The following ATG9B variants were observed in gnomAD, a reference collection of about 807,000 sequenced individuals.
The protein encoded by ATG9B is autophagy related 9B.
Under a neutral mutation model 92.9 loss-of-function variants are expected in ATG9B, and 92 were observed. The observed-to-expected ratio is 0.99, with a 90% CI of 0.84 to 1.18. The LOEUF is 1.18. ATG9B is among the 50% of genes most tolerant of loss of function. The pLI, the probability that ATG9B is intolerant of heterozygous loss-of-function variation, is 0.00. For synonymous variants in ATG9B, 599 were observed against 551.4 expected, an observed-to-expected ratio of 1.09 and a Z score of -1.21; for missense variants, 1,344 against 1,235.0, an observed-to-expected ratio of 1.09 and a Z score of -1.32.
At position 151,023,173 on chromosome 7, in the gene ATG9B, G is replaced by T. The variant is rs779742538; in HGVS notation, c.693C>A (p.Phe231Leu). The T allele has an allele frequency of 3.1e-6, 5 of 1,614,090 alleles. No homozygotes were observed. The South Asian group carries it at 5.5e-5, about 18-fold the overall frequency. Residue 231 changes from phenylalanine (F) to leucine (L), a missense_variant, in exon 4 of 14, where the codon TTC becomes TTA. Physicochemically the swap from Phe to Leu is conservative, Grantham distance 22. Coordinates refer to ENST00000639579, the MANE Select transcript of ATG9B (RefSeq NM_001317056.2). ...QFIFIVTFTT[F>L]LLRCVDYNVL... ...CATTGTAATCCACGCATCGAAGGAG[G>T]AAGGTTGTGAAGGTGACAATGAAAA...
At chr7:151,021,868 T>C (rs1049237828) in intron 4 of ATG9B, among the ~76,000 whole-genome samples, 5 of 152,056 alleles carry the variant, frequency 3.3e-5, no homozygotes, top group African/African-American at 4.8e-5. Flanking sequence ...CCAGAATGGT[T>C]TTGATCTCCT....
In ATG9B at chr7:151,019,287, G is replaced by T. The variant is rs745815767; in HGVS notation, c.1051C>A (p.Pro351Thr). The T allele has an allele frequency of 1.3e-6, 2 of 1,586,802 alleles. No homozygotes were observed. Among genetic ancestry groups the T allele is most frequent in the African/African-American group, 2.7e-5 (2 of 74,528 alleles). The change falls in exon 6 of 14, where the codon CCC becomes ACC. Residue 351 changes from proline (P) to threonine (T), a missense_variant. Coordinates refer to ENST00000639579, the MANE Select transcript of ATG9B (RefSeq NM_001317056.2). Reference sequence around the variant, plus strand: ...TGGTGGATGTCCAGCTCCGTCAGGGGCCGCGGCTGCACGCACAGGCCCCCG... The same window carrying T: ...TGGTGGATGTCCAGCTCCGTCAGGGTCCGCGGCTGCACGCACAGGCCCCCG... Reference protein sequence around the residue: ...RSGGLCVQPRPLTELDIHHRI... With the variant: ...RSGGLCVQPRTLTELDIHHRI...
chr7:151,013,090 C>T (rs971482881), downstream of ATG9B: 3 of 902,870 alleles, frequency 3.3e-6, no homozygotes, highest in Non-Finnish European at 5.1e-6. Context: ...TCTACACTCT[C>T]TTAGAGATGA....
chr7:151,012,562 A>G, downstream of ATG9B: 10 of 1,456,546 alleles, frequency 6.9e-6, no homozygotes, highest in Non-Finnish European at 9.3e-6. Context: ...TAGGAAAGAG[A>G]GGGCAGGAAA....
chr7:151,024,279 A>G lies in ATG9B; in HGVS notation c.145T>C (p.Ser49Pro). 7.0e-7 allele frequency: 1 copy of G among 1,433,960 alleles called. No homozygotes were observed. The highest frequency in any genetic ancestry group is 1.6e-5 in the South Asian group (1 of 61,918). 88.8% of individuals were successfully genotyped at this position (1,433,960 alleles called of 1,614,324 possible). ...GGGGCAGGGGACAGAGAGAAGATGG[A>G]GATCCTCCCTCCCCCAGGTCCCCGG... ...SCRGPGGGRISIFSLSPAPHT... is the reference protein window; with the variant it reads ...SCRGPGGGRIPIFSLSPAPHT... Residue 49 changes from serine to proline, a missense_variant, in exon 1 of 14, where the codon TCC becomes CCC. Transcript: ENST00000639579.
At chr7:151,012,390 C>G (rs774879688), downstream of ATG9B, 1 of 1,595,486 alleles carries the variant, frequency 6.3e-7, no homozygotes, top group Non-Finnish European at 8.5e-7. Flanking sequence ...CCAGCTTGCC[C>G]TGCATCCTGG....
intron 9 of ATG9B, 97 bp downstream of exon 9, chr7:151,016,939 T>G: frequency 6.7e-7 from 1 of 1,496,370 alleles, no homozygotes. Context: ...CGGGGGCTGG[T>G]GAGGCAGGTT....
In ATG9B at chr7:151,019,117, A is replaced by G. The variant is rs747810125; in HGVS notation, c.1221T>C (p.Gly407=). 1 of 1,535,592 alleles carries G rather than the reference A, an allele frequency of 6.5e-7. No homozygotes were observed. Among genetic ancestry groups the G allele is most frequent in the South Asian group, 1.2e-5 (1 of 84,050 alleles). The change falls in exon 6 of 14, where the codon GGT becomes GGC. Residue 407 remains glycine (G), a synonymous_variant. Coordinates refer to ENST00000639579, the MANE Select transcript of ATG9B (RefSeq NM_001317056.2). ...ALNVDLLLFR[G]PFSLFRGGWE... is the part of the protein sequence containing the mutation. Reference sequence around the variant, plus strand: ...AGCCCCCGCGGAAGAGCGAGAAGGGACCGCGGAAGAGCAGCAGGTCGACAT... The same window carrying G: ...AGCCCCCGCGGAAGAGCGAGAAGGGGCCGCGGAAGAGCAGCAGGTCGACAT...
At position 151,015,718 on chromosome 7, in the gene ATG9B, G is replaced by T; in HGVS notation, c.*15-5C>A. On this transcript the variant is annotated splice_region_variant and splice_polypyrimidine_tract_variant and intron_variant, in intron 13 of 13. Coordinates refer to ENST00000639579, the MANE Select transcript of ATG9B (RefSeq NM_001317056.2). ...TGGCTGCCGAAGCCAGGGTACCTGT[G>T]GGAGGAGACGGCTCTTGGCAAGCAG... The T allele has an allele frequency of 1.0e-6, 1 of 956,676 alleles. No homozygotes were observed. The highest frequency in any genetic ancestry group is 1.4e-6 in the Non-Finnish European group (1 of 691,624). 59.3% of individuals were successfully genotyped at this position (956,676 alleles called of 1,614,324 possible). A position where few individuals can be genotyped will look rare whatever the true frequency, so the allele number is the denominator to read the frequency against.
At chr7:151,016,961 T>C (rs1000281042) in intron 9 of ATG9B, 75 bp downstream of exon 9, 7 of 1,507,112 alleles carry the variant, frequency 4.6e-6, no homozygotes, top group Middle Eastern at 2.1e-4. Context: ...CTACCTAAGG[T>C]GAGCCTAGAG....
intron 5 of ATG9B, 146 bp from the exon 6 acceptor site, chr7:151,019,520 C>T (rs1156903434): frequency 7.1e-6 from 8 of 1,119,026 alleles, no homozygotes; most frequent in Non-Finnish European, 9.6e-6. Context: ...CATCGTCCCC[C>T]TCTCCCACCT....
chr7:151,014,299 T>C (rs1420284359), downstream of ATG9B: 8 of 958,750 alleles, frequency 8.3e-6, no homozygotes, highest in East Asian at 1.9e-4. Flanking sequence ...GCTGCAAGGA[T>C]TCAGCATTAT....
intron 11 of ATG9B, 86 bp from the exon 12 acceptor site, chr7:151,016,321 C>T (rs1449083513): frequency 6.7e-7 from 1 of 1,481,586 alleles, no homozygotes; most frequent in Non-Finnish European, 9.0e-7. Flanking sequence ...GCTTTTCAGC[C>T]TCCTCCTGCC....
chr7:151,014,219 A>G (rs1307923997), downstream of ATG9B: 2 of 1,538,308 alleles, frequency 1.3e-6, no homozygotes, highest in South Asian at 2.4e-5. Context: ...TGCCCGACTC[A>G]GGTCCGCCCG....
chr7:151,017,197 GCAT>G lies in ATG9B; in HGVS notation c.2125_2127del (p.Met709del). ...CAGAGTGGATGCGCCAGGGAGAACC[GCAT>G]CAAAGAAAGCTCAGTCTTGCCGTCC... is the stretch of plus-strand genomic sequence containing the variant. On this transcript the variant is annotated inframe_deletion, in exon 9 of 14. Coordinates refer to ENST00000639579, the MANE Select transcript of ATG9B (RefSeq NM_001317056.2). 1 of 1,612,736 alleles carries G rather than the reference GCAT, an allele frequency of 6.2e-7. No homozygotes were observed. Among genetic ancestry groups the G allele is most frequent in the Non-Finnish European group, 8.5e-7 (1 of 1,179,514 alleles).
downstream of ATG9B, chr7:151,012,366 G>A (rs1352453528): frequency 1.3e-6 from 2 of 1,571,444 alleles, no homozygotes; most frequent in Non-Finnish European, 1.7e-6. Flanking sequence ...CCTCCTTCCG[G>A]CTGCCACCCG....
In ATG9B at chr7:151,023,706, A is replaced by G. The variant is rs1292871225; in HGVS notation, c.575T>C (p.Leu192Pro). ...LRGSWHHIQN[L>P]DSFFTKIYSY... ...GGATATCTTGGTGAAGAAACTGTCC[A>G]GGTTCTGGATGTGATGCCAGGAGCC... The change falls in exon 2 of 14, where the codon CTG (leucine) becomes CCG (proline). Residue 192 changes from leucine to proline, a missense_variant. Leu to Pro is a moderately conservative substitution (Grantham distance 98). Transcript: ENST00000639579. 2.5e-6 allele frequency: 4 copies of G among 1,613,956 alleles called. No homozygotes were observed. Among genetic ancestry groups the G allele is most frequent in the East Asian group, 2.2e-5 (1 of 44,890 alleles).
Position 151,023,117 on chromosome 7 carries a change from G to C in ATG9B, c.749C>G (p.Thr250Ser). 4 of 1,614,172 alleles carry C rather than the reference G, an allele frequency of 2.5e-6. No individual in the cohort carries two copies. The highest frequency in any genetic ancestry group is 3.4e-6 in the Non-Finnish European group (4 of 1,180,032). ...TTTGCTGTGGAACGGCCCAGGTCTG[G>C]TATGGTTACTTGGTTGGTTGGCAAA... The part of the protein sequence containing the change: ...VLFANQPSNH[T>S]RPGPFHSKVT... The change falls in exon 4 of 14, where the codon ACC becomes AGC. Residue 250 changes from threonine (T) to serine (S), a missense_variant. Thr to Ser is a moderately conservative substitution (Grantham distance 58). Transcript: ENST00000639579.
chr7:151,023,769 A>G, intron 1 of ATG9B, 39 bp from the exon 2 acceptor site: 1 of 1,613,528 alleles, frequency 6.2e-7, no homozygotes, highest in Non-Finnish European at 8.5e-7. Context: ...CTGGCATGTG[A>G]TCAATTCTCC....
Sources: allele counts gnomAD v4.1 joint callset (sites outside exome capture counted in the v4.1 genomes callset), GRCh38; gene constraint gnomAD v4.1.1; transcripts MANE v1.5; gene names NCBI Gene and HGNC (gene_info 2026-07-23, HGNC 2026-07-21).